The following AOAH variants were observed in gnomAD, a reference collection of about 807,000 sequenced individuals.
AOAH encodes acyloxyacyl hydrolase (neutrophil).
Under a neutral mutation model 92.2 loss-of-function variants are expected in AOAH, and 64 were observed. That is an observed-to-expected ratio of 0.69 (90% CI 0.57 to 0.86). The LOEUF is 0.86. Among genes scored for constraint, AOAH ranks in the 40% least tolerant of loss-of-function variants. AOAH has a pLI of 0.00. For synonymous variants in AOAH, 263 were observed against 254.5 expected, an observed-to-expected ratio of 1.03 and a Z score of -0.32; for missense variants, 656 against 694.6, an observed-to-expected ratio of 0.94 and a Z score of 0.62.
At position 36,711,878 on chromosome 7, in the gene AOAH, C is replaced by T. The variant is rs562761908; in HGVS notation, c.127+12144G>A. On this transcript the variant is annotated intron_variant, in intron 1 of 20. Transcript: ENST00000617537. ...TCTTAGGGCTGAGGACAGAGACCAC[C>T]TCCAAAGGCTGAGAACCATGAACAT... Among the ~76,000 whole-genome samples the T allele has an allele frequency of 2.6e-5, 4 of 152,270 alleles. No homozygotes were observed. The South Asian group carries it at 8.3e-4, about 32-fold the overall frequency.
chr7:36,520,432 G>A (rs144846661), intron 20 of AOAH, among the ~76,000 whole-genome samples: 364 of 152,344 alleles, frequency 2.4e-3, no homozygotes, highest in African/African-American at 8.1e-3. Flanking sequence ...GGGGCCGGGC[G>A]CAGTGGCTCA....
At chr7:36,683,603 G>A (rs890250890) in intron 2 of AOAH, among the ~76,000 whole-genome samples, 1 of 152,148 alleles carries the variant, frequency 6.6e-6, no homozygotes, top group South Asian at 2.1e-4. Context: ...AGGTAAATGA[G>A]TAATGATTGG....
chr7:36,559,593 GT>G (rs1787106499), intron 13 of AOAH, among the ~76,000 whole-genome samples: 2 of 151,970 alleles, frequency 1.3e-5, no homozygotes, highest in African/African-American at 4.8e-5. Flanking sequence ...TTTTAATGGG[GT>G]TATTTGGTTT....
chr7:36,553,059 G>A (rs899710807), intron 13 of AOAH, among the ~76,000 whole-genome samples: 7 of 150,566 alleles, frequency 4.6e-5, no homozygotes, highest in African/African-American at 7.3e-5. Context: ...ATGCTGGTGC[G>A]CTGCACCCAC....
intron 11 of AOAH, among the ~76,000 whole-genome samples, chr7:36,607,403 A>G (rs971226538): frequency 2.0e-5 from 3 of 152,190 alleles, no homozygotes; most frequent in African/African-American, 7.2e-5. Context: ...TTGTAAATGC[A>G]TTCCTACCAT....
rs1283254254 is a variant in AOAH, at chr7:36,513,142, A to G, written c.*110T>C. On this transcript the variant is annotated 3_prime_UTR_variant, in exon 21 of 21. Transcript: ENST00000617537. ...AGACATTTTGCAAAGATGCTGCTGAAGAAGAGTCCTTTGGGCCTGTGACGT... is the reference window on the plus strand; with the variant it reads ...AGACATTTTGCAAAGATGCTGCTGAGGAAGAGTCCTTTGGGCCTGTGACGT... 1.2e-6 allele frequency: 2 copies of G among 1,611,978 alleles called. No homozygotes were observed. Among genetic ancestry groups the G allele is most frequent in the African/African-American group, 2.7e-5 (2 of 74,930 alleles).
At chr7:36,661,949 C>T (rs559784164) in intron 3 of AOAH, among the ~76,000 whole-genome samples, 1 of 152,298 alleles carries the variant, frequency 6.6e-6, no homozygotes, top group Non-Finnish European at 1.5e-5. Context: ...GAAAAACACT[C>T]TTGATTTTCA....
chr7:36,549,003 G>A (rs1170549580), intron 14 of AOAH, among the ~76,000 whole-genome samples: 1 of 152,172 alleles, frequency 6.6e-6, no homozygotes, highest in African/African-American at 2.4e-5. Flanking sequence ...AATAAGCACA[G>A]GCGAGTTATT....
chr7:36,619,705 G>A (rs2718187), intron 9 of AOAH, among the ~76,000 whole-genome samples: 17,508 of 152,152 alleles, frequency 0.12, 1,315 homozygotes, highest in East Asian at 0.22. Flanking sequence ...TGGAAAGCAT[G>A]CAGTAGGTGA....
chr7:36,722,617 T>C (rs1264790738), intron 1 of AOAH, among the ~76,000 whole-genome samples: 2 of 151,980 alleles, frequency 1.3e-5, no homozygotes, highest in African/African-American at 2.4e-5. Flanking sequence ...AAAATAGTCT[T>C]GGGGAATCTG....
chr7:36,580,615 T>C (rs900087793), intron 12 of AOAH, among the ~76,000 whole-genome samples: 1 of 152,228 alleles, frequency 6.6e-6, no homozygotes, highest in Non-Finnish European at 1.5e-5. Flanking sequence ...TTTTCTTTCA[T>C]GTTTGAGGTT....
intron 9 of AOAH, among the ~76,000 whole-genome samples, chr7:36,620,418 T>G (rs1269780980): frequency 1.3e-5 from 2 of 151,228 alleles, no homozygotes; most frequent in African/African-American, 4.9e-5. Context: ...AAAAAAAAAA[T>G]GGCTGCAACA....
chr7:36,570,345 C>T lies in AOAH; in HGVS notation c.1021+6229G>A, dbSNP rs146919682. Among the ~76,000 whole-genome samples, 3 of 152,292 alleles carry T rather than the reference C, an allele frequency of 2.0e-5. No individual in the cohort carries two copies. The East Asian group carries it at 5.8e-4, about 29-fold the overall frequency. Reference sequence around the variant, plus strand: ...CATGTCATTGCATGTTCAGAGTGCCCTTTGTTTTAAAGGCTGAATAGTATT... The same window carrying T: ...CATGTCATTGCATGTTCAGAGTGCCTTTTGTTTTAAAGGCTGAATAGTATT... On this transcript the variant is annotated intron_variant, in intron 13 of 20. Transcript: ENST00000617537.
At chr7:36,630,098 C>T (rs566064605) in intron 6 of AOAH, among the ~76,000 whole-genome samples, 8 of 152,298 alleles carry the variant, frequency 5.3e-5, no homozygotes, top group South Asian at 4.1e-4. Context: ...CAACGCCTCA[C>T]GGCCACCATT....
chr7:36,573,779 C>T (rs565223822), intron 13 of AOAH, among the ~76,000 whole-genome samples: 2 of 152,172 alleles, frequency 1.3e-5, no homozygotes, highest in East Asian at 1.9e-4. Flanking sequence ...TATGTATAGA[C>T]GTTTTTGAGA....
chr7:36,648,440 TAGG>T (rs927198926), intron 4 of AOAH, among the ~76,000 whole-genome samples: 4 of 152,168 alleles, frequency 2.6e-5, no homozygotes, highest in African/African-American at 9.6e-5. Flanking sequence ...TTGATTTTTT[TAGG>T]AGCTCTTTGA....
intron 12 of AOAH, among the ~76,000 whole-genome samples, chr7:36,579,224 C>T (rs192453087): frequency 6.0e-4 from 92 of 152,196 alleles, no homozygotes; most frequent in Non-Finnish European, 9.9e-4. Flanking sequence ...GCTGTCCCTT[C>T]CCAGGCACAT....
intron 16 of AOAH, among the ~76,000 whole-genome samples, chr7:36,536,764 C>G (rs553034392): frequency 1.3e-5 from 2 of 151,994 alleles, no homozygotes; most frequent in South Asian, 4.2e-4. Context: ...GCCTGGCCAA[C>G]ATGGTGAAAC....
intron 19 of AOAH, among the ~76,000 whole-genome samples, chr7:36,527,953 T>C (rs960621542): frequency 3.3e-5 from 5 of 152,242 alleles, no homozygotes; most frequent in Non-Finnish European, 7.3e-5. Context: ...AGTACCTGAC[T>C]CTGAGCTTAA....
Sources: gnomAD v4.1 joint callset for allele counts (sites outside exome capture counted in the v4.1 genomes callset) on GRCh38, gnomAD v4.1.1 for gene constraint, MANE v1.5 for transcripts, NCBI Gene and HGNC (gene_info 2026-07-23, HGNC 2026-07-21) for gene names.